Variants in DNAJC10 observed in about 807,000 individuals in gnomAD.
The protein encoded by DNAJC10 is endoplasmic reticulum disulfide reductase DNAJC10.
A neutral mutation model predicts 115.0 loss-of-function variants in DNAJC10; 101 were observed. That is an observed-to-expected ratio of 0.88 (90% confidence interval 0.75 to 1.04). The LOEUF (loss-of-function observed/expected upper bound fraction) is 1.04. DNAJC10 is among the 50% of genes least tolerant of loss of function. The pLI is 0.00. For synonymous variants in DNAJC10, 307 were observed against 301.5 expected, an observed-to-expected ratio of 1.02 and a Z score of -0.19; for missense variants, 981 against 928.8, an observed-to-expected ratio of 1.06 and a Z score of -0.73.
intron 22 of DNAJC10, among the ~76,000 whole-genome samples, chr2:182,771,359 A>T (rs1221606931): frequency 6.6e-6 from 1 of 151,950 alleles, no homozygotes; most frequent in African/African-American, 2.4e-5. Context: ...GTTAGGGAGG[A>T]TTCCCTCTGT....
At chr2:182,747,913 T>A (rs1267876205) in intron 14 of DNAJC10, among the ~76,000 whole-genome samples, 22 of 151,850 alleles carry the variant, frequency 1.4e-4, no homozygotes, top group Non-Finnish European at 2.9e-4. Context: ...CATCAATACC[T>A]AATTTATGGA....
At position 182,791,988 on chromosome 2, in the gene DNAJC10, G is replaced by A. The variant is rs1490473302; in HGVS notation, c.*14856G>A. 1 of 152,094 alleles carries A rather than the reference G, an allele frequency of 6.6e-6. No homozygotes were observed. The highest frequency in any genetic ancestry group is 1.5e-5 in the Non-Finnish European group (1 of 68,016). 9.4% of individuals were successfully genotyped at this position (152,094 alleles called of 1,614,324 possible). The stretch of plus-strand genomic sequence containing the variant: ...CAATAATCTAGAGAATCAGAGAATT[G>A]GATCCTGAAACACCTTATAAGTTCA... On this transcript the variant is annotated 3_prime_UTR_variant, in exon 24 of 24. Transcript: ENST00000264065.
chr2:182,783,627 C>T lies in DNAJC10; in HGVS notation c.*6495C>T, dbSNP rs1260338173. The T allele has an allele frequency of 1.3e-5, 2 of 152,050 alleles. No homozygotes were observed. The highest frequency in any genetic ancestry group is 4.8e-5 in the African/African-American group (2 of 41,424). The allele number at this position is 152,050 out of a possible 1,614,324, so 9.4% of individuals were successfully genotyped here. ...TTGAGAAATCTTAGATTTATCTTTA[C>T]CAGTCTGTAACCCAGCTTTCTTGTT... is the stretch of plus-strand genomic sequence containing the variant. On this transcript the variant is annotated 3_prime_UTR_variant, in exon 24 of 24. Transcript: ENST00000264065.
Position 182,759,222 on chromosome 2 carries a change from G to A in DNAJC10, c.2060G>A (p.Gly687Glu), listed in dbSNP as rs776909955. Residue 687 changes from glycine (G) to glutamate (E), a missense_variant, in exon 21 of 24, where the codon GGG becomes GAG. Physicochemically the swap from Gly to Glu is moderately conservative, Grantham distance 98. Coordinates refer to ENST00000264065, the MANE Select transcript of DNAJC10 (RefSeq NM_018981.4). ...ACTTTCAGTGAAAAAGTTCTACAAG[G>A]GAAAAATCATTGGGTGATTGATTTC... ...PQTFSEKVLQ[G>E]KNHWVIDFYA... 6.2e-7 allele frequency: 1 copy of A among 1,609,630 alleles called. No homozygotes were observed. Among genetic ancestry groups the A allele is most frequent in the South Asian group, 1.1e-5 (1 of 89,514 alleles).
Position 182,785,623 on chromosome 2 carries a change from A to T in DNAJC10, c.*8491A>T, listed in dbSNP as rs939605022. The T allele has an allele frequency of 2.0e-5, 3 of 152,142 alleles. No individual in the cohort carries two copies. The highest frequency in any genetic ancestry group is 4.8e-5 in the African/African-American group (2 of 41,436). The allele number at this position is 152,142 out of a possible 1,614,324, so 9.4% of individuals were successfully genotyped here. On this transcript the variant is annotated 3_prime_UTR_variant, in exon 24 of 24. Transcript: ENST00000264065. Reference sequence around the variant, plus strand: ...GAATGTGGGAAATTTTGTAGGACAAATGGTATGATTTCTTTAATGAAAAAG... The same window carrying T: ...GAATGTGGGAAATTTTGTAGGACAATTGGTATGATTTCTTTAATGAAAAAG...
chr2:182,728,459 CAA>C, intron 5 of DNAJC10, 115 bp from the exon 6 acceptor site: 1 of 602,464 alleles, frequency 1.7e-6, no homozygotes, highest in Non-Finnish European at 2.8e-6. Context: ...ATGAGAAAGA[CAA>C]TATGAAAATT....
Position 182,769,099 on chromosome 2 carries a change from G to C in DNAJC10, c.2266-6217G>C, listed in dbSNP as rs1175619052. On this transcript the variant is annotated intron_variant, in intron 22 of 23. Coordinates refer to ENST00000264065, the MANE Select transcript of DNAJC10 (RefSeq NM_018981.4). ...TGTTTGGTTTTCTGTCCTTGTGATA[G>C]TTTGCTGAGAATGATGGTTTCCAGC... Among the ~76,000 whole-genome samples the C allele has an allele frequency of 2.0e-5, 3 of 152,116 alleles. No homozygotes were observed. The East Asian group carries it at 5.8e-4, about 29-fold the overall frequency.
chr2:182,765,084 T>C (rs770500854), intron 22 of DNAJC10, among the ~76,000 whole-genome samples: 1 of 152,178 alleles, frequency 6.6e-6, no homozygotes, highest in Non-Finnish European at 1.5e-5. Flanking sequence ...GATCAGGCAC[T>C]TGTGTAGCTT....
At chr2:182,725,473 C>T (rs943721662) in intron 5 of DNAJC10, among the ~76,000 whole-genome samples, 1 of 152,178 alleles carries the variant, frequency 6.6e-6, no homozygotes, top group Non-Finnish European at 1.5e-5. Context: ...GGAAAGTAAA[C>T]GTGCTACTCC....
chr2:182,719,217 A>G (rs1196641164), intron 3 of DNAJC10, among the ~76,000 whole-genome samples: 3 of 151,366 alleles, frequency 2.0e-5, no homozygotes, highest in Admixed American at 2.0e-4. Flanking sequence ...GTAACAAGGA[A>G]GAAACATTTC....
rs1694927944 is a variant in DNAJC10, at chr2:182,785,398, A to G, written c.*8266A>G. On this transcript the variant is annotated 3_prime_UTR_variant, in exon 24 of 24. Transcript: ENST00000264065. ...AGGTAAAAAGAAAGAGCTCTTGGTCACAGAAATGGGTGTACTGAATTCTCG... is the reference window on the plus strand; with the variant it reads ...AGGTAAAAAGAAAGAGCTCTTGGTCGCAGAAATGGGTGTACTGAATTCTCG... The G allele has an allele frequency of 6.6e-6, 1 of 152,146 alleles. No homozygotes were observed. Among genetic ancestry groups the G allele is most frequent in the Non-Finnish European group, 1.5e-5 (1 of 68,010 alleles). The allele number at this position is 152,146 out of a possible 1,614,324, so 9.4% of individuals were successfully genotyped here.
chr2:182,721,269 C>G (rs1693144660), intron 4 of DNAJC10, among the ~76,000 whole-genome samples: 1 of 152,086 alleles, frequency 6.6e-6, no homozygotes, highest in Non-Finnish European at 1.5e-5. Context: ...ATATTCTCTA[C>G]ACCTTGATAG....
At chr2:182,776,375 G>A (rs1200559646) in intron 23 of DNAJC10, among the ~76,000 whole-genome samples, 1 of 152,084 alleles carries the variant, frequency 6.6e-6, no homozygotes, top group Non-Finnish European at 1.5e-5. Flanking sequence ...TCTTCAGAAG[G>A]CAGTTCAGTT....
intron 11 of DNAJC10, among the ~76,000 whole-genome samples, chr2:182,738,544 T>A (rs1693643708): frequency 6.6e-6 from 1 of 151,938 alleles, no homozygotes; most frequent in Admixed American, 6.6e-5. Flanking sequence ...CAGGTTTTTT[T>A]TGGTTTTTTT....
intron 14 of DNAJC10, among the ~76,000 whole-genome samples, chr2:182,745,002 A>T (rs1693825499): frequency 6.6e-6 from 1 of 151,928 alleles, no homozygotes; most frequent in Non-Finnish European, 1.5e-5. Flanking sequence ...CTCTGGGAGG[A>T]TTGCTTATCT....
chr2:182,759,472 C>T (rs1221165597), intron 21 of DNAJC10, among the ~76,000 whole-genome samples, 165 bp downstream of exon 21: 2 of 152,068 alleles, frequency 1.3e-5, no homozygotes, highest in Non-Finnish European at 2.9e-5. Flanking sequence ...TAGATTTCCT[C>T]TTTCTTTGTT....
intron 13 of DNAJC10, among the ~76,000 whole-genome samples, chr2:182,743,039 G>A (rs1243702533): frequency 6.6e-6 from 1 of 151,798 alleles, no homozygotes; most frequent in African/African-American, 2.4e-5. Context: ...TAGAGACGTG[G>A]TTTCACCCTA....
At chr2:182,761,311 G>C (rs2105686783) in intron 21 of DNAJC10, among the ~76,000 whole-genome samples, 1 of 152,252 alleles carries the variant, frequency 6.6e-6, no homozygotes, top group African/African-American at 2.4e-5. Context: ...GGAAATACAA[G>C]TAAGCAAATA....
At chr2:182,744,638 T>C (rs544468830) in intron 14 of DNAJC10, among the ~76,000 whole-genome samples, 1 of 152,208 alleles carries the variant, frequency 6.6e-6, no homozygotes, top group Admixed American at 6.5e-5. Context: ...CACTGCTGTC[T>C]CCAAGTCAGA....
Sources: gnomAD v4.1 joint callset for allele counts (sites outside exome capture counted in the v4.1 genomes callset) on GRCh38, gnomAD v4.1.1 for gene constraint, MANE v1.5 for transcripts, NCBI Gene and HGNC (gene_info 2026-07-23, HGNC 2026-07-21) for gene names.